The following PLEKHD1 variants were observed in gnomAD, a reference collection of about 807,000 sequenced individuals.
PLEKHD1 encodes pleckstrin homology and coiled-coil domain containing D1.
In PLEKHD1, 51 loss-of-function variants were observed where a neutral mutation model predicts 69.2. The ratio of observed to expected loss-of-function variants is 0.74; its 90% CI spans 0.59 to 0.93. PLEKHD1 has a LOEUF of 0.93. PLEKHD1 is among the 40% of genes least tolerant of loss of function. The pLI, the probability that PLEKHD1 is intolerant of heterozygous loss-of-function variation, is 0.00. For synonymous variants in PLEKHD1, 236 were observed against 244.7 expected, an observed-to-expected ratio of 0.96 and a Z score of 0.33; for missense variants, 584 against 641.0, an observed-to-expected ratio of 0.91 and a Z score of 0.96.
chr14:69,469,605 T>C, the PLEKHD1 span, among the ~76,000 whole-genome samples: 2 of 151,878 alleles, frequency 1.3e-5, no homozygotes, highest in Non-Finnish European at 2.9e-5. Flanking sequence ...TAGATGGGGG[T>C]CTCACTCTGT....
intron 8 of PLEKHD1, 77 bp downstream of exon 8, chr14:69,524,399 A>G (rs1883592831): frequency 7.9e-7 from 1 of 1,270,200 alleles, no homozygotes; most frequent in African/African-American, 1.5e-5. Context: ...TTTTTCCAGC[A>G]GTGTTTCCCC....
At chr14:69,485,825 G>A (rs1269566785) in intron 1 of PLEKHD1, among the ~76,000 whole-genome samples, 1 of 152,242 alleles carries the variant, frequency 6.6e-6, no homozygotes, top group Non-Finnish European at 1.5e-5. Flanking sequence ...TGAAAGGGGT[G>A]GTGGAGAGAG....
At chr14:69,499,330 T>C (rs1015961286) in intron 1 of PLEKHD1, among the ~76,000 whole-genome samples, 1 of 152,020 alleles carries the variant, frequency 6.6e-6, no homozygotes, top group Admixed American at 6.5e-5. Flanking sequence ...ACAGCACTTA[T>C]TAGCAGGGGC....
At chr14:69,493,839 C>T (rs1409471108) in intron 1 of PLEKHD1, among the ~76,000 whole-genome samples, 1 of 152,258 alleles carries the variant, frequency 6.6e-6, no homozygotes, top group Non-Finnish European at 1.5e-5. Flanking sequence ...CTCCGGGCTT[C>T]ACCCCAACAC....
intron 6 of PLEKHD1, among the ~76,000 whole-genome samples, chr14:69,516,826 T>C (rs1883394697): frequency 6.6e-6 from 1 of 152,174 alleles, no homozygotes; most frequent in African/African-American, 2.4e-5. Flanking sequence ...CACACTACCA[T>C]GTCCAGCTAT....
At chr14:69,477,399 G>A in the PLEKHD1 span, among the ~76,000 whole-genome samples, 1 of 152,068 alleles carries the variant, frequency 6.6e-6, no homozygotes, top group Non-Finnish European at 1.5e-5. Flanking sequence ...TTCTGCCCCT[G>A]GCCCCTCCCA....
chr14:69,512,415 T>C (rs1397196666), intron 6 of PLEKHD1, among the ~76,000 whole-genome samples: 1 of 152,146 alleles, frequency 6.6e-6, no homozygotes, highest in Non-Finnish European at 1.5e-5. Flanking sequence ...TTATTTCTTT[T>C]TTTCTGCTTA....
At chr14:69,472,245 C>T in the PLEKHD1 span, among the ~76,000 whole-genome samples, 2 of 152,198 alleles carry the variant, frequency 1.3e-5, no homozygotes, top group African/African-American at 4.8e-5. Flanking sequence ...CACCTGCCTA[C>T]ACATGTATGT....
At chr14:69,520,025 G>T (rs1883475821) in intron 6 of PLEKHD1, among the ~76,000 whole-genome samples, 1 of 152,022 alleles carries the variant, frequency 6.6e-6, no homozygotes, top group African/African-American at 2.4e-5. Flanking sequence ...AAATTAGCCA[G>T]GTGTGATGGT....
At chr14:69,526,574 A>T in intron 9 of PLEKHD1, 123 bp from the exon 10 acceptor site, 1 of 1,236,970 alleles carries the variant, frequency 8.1e-7, no homozygotes, top group South Asian at 1.9e-5. Context: ...CACAAAGTTC[A>T]GGGGCTCATA....
intron 1 of PLEKHD1, 79 bp downstream of exon 1, chr14:69,485,193 G>A (rs1023656769): frequency 2.4e-5 from 34 of 1,440,848 alleles, no homozygotes; most frequent in Non-Finnish European, 3.2e-5. Flanking sequence ...CCCTCCAGTC[G>A]CCGTCGTGCC....
chr14:69,471,963 A>T, the PLEKHD1 span, among the ~76,000 whole-genome samples: 2 of 152,178 alleles, frequency 1.3e-5, no homozygotes, highest in Non-Finnish European at 2.9e-5. Context: ...TTCTGGTGAA[A>T]CGGCTGCTTC....
upstream of PLEKHD1, among the ~76,000 whole-genome samples, chr14:69,480,980 C>A (rs2139484598): frequency 1.3e-5 from 2 of 152,314 alleles, no homozygotes; most frequent in Middle Eastern, 6.8e-3. Context: ...GAGATGGATT[C>A]CCTACGGTAT....
At chr14:69,506,819 T>G (rs1000099135) in intron 6 of PLEKHD1, among the ~76,000 whole-genome samples, 35 of 151,260 alleles carry the variant, frequency 2.3e-4, no homozygotes, top group Admixed American at 6.6e-5. Flanking sequence ...TATCTACCAC[T>G]GTAGTATCAT....
chr14:69,519,332 A>G (rs542441799), intron 6 of PLEKHD1, among the ~76,000 whole-genome samples: 23 of 152,232 alleles, frequency 1.5e-4, no homozygotes, highest in Admixed American at 1.5e-3. Flanking sequence ...AGCTTGGACC[A>G]TCTCTTGGCA....
upstream of PLEKHD1, among the ~76,000 whole-genome samples, chr14:69,480,733 A>C (rs1594968573): frequency 6.6e-6 from 1 of 152,088 alleles, no homozygotes; most frequent in Admixed American, 6.5e-5. Flanking sequence ...GCTTACTGCA[A>C]CCTCTGCCTC....
At position 69,524,289 on chromosome 14, in the gene PLEKHD1, G is replaced by A. The variant is rs755987131; in HGVS notation, c.711G>A (p.Arg237=). The A allele has an allele frequency of 1.3e-6, 2 of 1,551,590 alleles. No homozygotes were observed. The highest frequency in any genetic ancestry group is 1.7e-6 in the Non-Finnish European group (2 of 1,146,928). Residue 237 remains arginine (R), a synonymous_variant, in exon 8 of 13, where the codon AGG becomes AGA. Coordinates refer to ENST00000322564, the MANE Select transcript of PLEKHD1 (RefSeq NM_001161498.2). ...KGVEQEKKEL[R]HLTESLQQTL... ...TAGAACAAGAGAAAAAGGAACTGAG[G>A]CACCTCACGGAGTCCTTGCAGCAGA...
Position 69,524,980 on chromosome 14 carries a change from T to G in PLEKHD1, c.744+658T>G, listed in dbSNP as rs544380852. On this transcript the variant is annotated intron_variant, in intron 8 of 12. Coordinates refer to ENST00000322564, the MANE Select transcript of PLEKHD1 (RefSeq NM_001161498.2). Reference sequence around the variant, plus strand: ...TGCTCCATACCTTTTCCCACACTGTTCCTTCTACACAGTGTATCATTTCCA... The same window carrying G: ...TGCTCCATACCTTTTCCCACACTGTGCCTTCTACACAGTGTATCATTTCCA... Among the ~76,000 whole-genome samples, 21 of 152,226 alleles carry G rather than the reference T, an allele frequency of 1.4e-4. 1 individual carries two copies. The East Asian group carries it at 3.7e-3, about 27-fold the overall frequency.
rs1441758439 is a variant in PLEKHD1 at position 69,527,992 on chromosome 14, T to A, written c.1351+60T>A. 11 of 1,547,260 alleles carry A rather than the reference T, an allele frequency of 7.1e-6. No homozygotes were observed. The East Asian group carries it at 2.7e-4, about 38-fold the overall frequency. ...GTGACAAGGCAGGAAGAGGGCAACA[T>A]GGGGAGCCAGAAGGGTTGGCCCAGC... On this transcript the variant is annotated intron_variant, in intron 12 of 12. Transcript: ENST00000322564.
Sources: allele counts gnomAD v4.1 joint callset (sites outside exome capture counted in the v4.1 genomes callset), GRCh38; gene constraint gnomAD v4.1.1; transcripts MANE v1.5; gene names NCBI Gene and HGNC (gene_info 2026-07-23, HGNC 2026-07-21).